CLPB: variants seen among roughly 807,000 people sequenced by gnomAD.
CLPB encodes the protein ClpB family mitochondrial disaggregase.
Under a neutral mutation model 78.4 loss-of-function variants are expected in CLPB, and 40 were observed. That is an observed-to-expected ratio of 0.51 (90% CI 0.40 to 0.66). CLPB has a LOEUF of 0.66. CLPB is among the 30% of genes least tolerant of loss of function. The probability of loss-of-function intolerance (pLI) is 0.00; values close to 1 mark genes in which losing one functional copy is unlikely to be tolerated. For synonymous variants in CLPB, 333 were observed against 348.0 expected, an observed-to-expected ratio of 0.96 and a Z score of 0.48; for missense variants, 780 against 886.9, an observed-to-expected ratio of 0.88 and a Z score of 1.53.
At chr11:72,377,015 A>G (rs1854724330) in intron 4 of CLPB, among the ~76,000 whole-genome samples, 2 of 152,218 alleles carry the variant, frequency 1.3e-5, no homozygotes, top group Admixed American at 1.3e-4. Flanking sequence ...GGGTACCAGT[A>G]TGGGTTCCCT....
At chr11:72,364,784 G>A (rs1209539711) in intron 4 of CLPB, among the ~76,000 whole-genome samples, 11 of 152,084 alleles carry the variant, frequency 7.2e-5, no homozygotes, top group Non-Finnish European at 1.3e-4. Flanking sequence ...AAGACCATGG[G>A]GGCTGGAGTC....
At chr11:72,431,495 T>A (rs1432880583) in intron 1 of CLPB, among the ~76,000 whole-genome samples, 1 of 152,206 alleles carries the variant, frequency 6.6e-6, no homozygotes, top group Non-Finnish European at 1.5e-5. Flanking sequence ...AGCCTTAGTT[T>A]CCTTATCTGT....
intron 3 of CLPB, among the ~76,000 whole-genome samples, chr11:72,400,480 AAAGCATAT>A (rs1294641624): frequency 6.6e-6 from 1 of 152,228 alleles, no homozygotes; most frequent in East Asian, 1.9e-4. Context: ...TGTGTCCCCA[AAAGCATAT>A]CTACTAGCCA....
At chr11:72,343,191 A>G (rs1178737949) in intron 5 of CLPB, among the ~76,000 whole-genome samples, 1 of 152,234 alleles carries the variant, frequency 6.6e-6, no homozygotes, top group African/African-American at 2.4e-5. Context: ...GCTCACTGGA[A>G]TGAGGTACAC....
rs1199421934 is a variant in CLPB, at chr11:72,293,619, T to C, written c.1786-4A>G. On this transcript the variant is annotated splice_polypyrimidine_tract_variant and splice_region_variant and intron_variant, in intron 15 of 15. Transcript: ENST00000538039. ...GGTTCACCACACGGCGTTCTACCTG[T>C]CGGTGGGGAGGTGAAGTGGTCACTC... The C allele has an allele frequency of 3.1e-6, 5 of 1,607,966 alleles. No homozygotes were observed. Among genetic ancestry groups the C allele is most frequent in the Non-Finnish European group, 3.4e-6 (4 of 1,175,404 alleles).
rs1454565839 is a variant in CLPB, at chr11:72,294,054, C to T, written c.1753G>A (p.Val585Met). ...VADVLVDGYNVHYGARSIKHE... is the reference protein window; with the variant it reads ...VADVLVDGYNMHYGARSIKHE... ...TTGATGGAGCGGGCGCCATAGTGCA[C>T]ATTGTAGCCGTCGACCAGCACATCT... The change falls in exon 15 of 16, where the codon GTG (valine) becomes ATG (methionine). Residue 585 changes from valine (V) to methionine (M), a missense_variant. By Grantham distance (21) the Val-to-Met change is conservative. This residue lies in a region of CLPB where 272 missense variants were observed against 304.0 expected (regional missense o/e 0.89). Transcript: ENST00000538039. 6.2e-7 allele frequency: 1 copy of T among 1,614,172 alleles called. No homozygotes were observed. Among genetic ancestry groups the T allele is most frequent in the Non-Finnish European group, 8.5e-7 (1 of 1,180,028 alleles).
intron 4 of CLPB, among the ~76,000 whole-genome samples, chr11:72,364,899 T>TAA (rs1950914006): frequency 6.6e-6 from 1 of 152,206 alleles, no homozygotes; most frequent in Non-Finnish European, 1.5e-5. Flanking sequence ...CAAGAGTCAA[T>TAA]GGCAAACCTA....
At chr11:72,430,271 C>A in intron 2 of CLPB, 41 bp downstream of exon 2, 2 of 1,589,624 alleles carry the variant, frequency 1.3e-6, no homozygotes, top group Non-Finnish European at 8.6e-7. Context: ...CCCTGCTCAG[C>A]CTCTCCTGTA....
intron 7 of CLPB, among the ~76,000 whole-genome samples, chr11:72,314,910 G>A (rs530251149): frequency 1.2e-4 from 18 of 152,276 alleles, no homozygotes; most frequent in African/African-American, 4.3e-4. Flanking sequence ...CCAGGTTAGG[G>A]CAGCAAGGAA....
Position 72,287,951 on chromosome 11 carries a change from T to G in CLPB, c.*5416A>C, listed in dbSNP as rs1949409799. 6.6e-6 allele frequency: 1 copy of G among 152,162 alleles called. No individual in the cohort carries two copies. Among genetic ancestry groups the G allele is most frequent in the Non-Finnish European group, 1.5e-5 (1 of 68,034 alleles). 9.4% of individuals were successfully genotyped at this position (152,162 alleles called of 1,614,324 possible). ...TGGTGCTTTCAAAGAATTTTTTAATTTATTCTTTTTCTTTTTCCTACCTTG... is the reference window on the plus strand; with the variant it reads ...TGGTGCTTTCAAAGAATTTTTTAATGTATTCTTTTTCTTTTTCCTACCTTG... On this transcript the variant is annotated 3_prime_UTR_variant, in exon 16 of 16. Transcript: ENST00000538039.
intron 6 of CLPB, among the ~76,000 whole-genome samples, chr11:72,322,673 C>T (rs968800663): frequency 3.3e-5 from 5 of 152,252 alleles, no homozygotes; most frequent in Admixed American, 6.5e-5. Context: ...ATATCAGAGA[C>T]GTGTGATGTT....
chr11:72,315,407 C>T (rs1195863595), intron 7 of CLPB, among the ~76,000 whole-genome samples: 1 of 152,188 alleles, frequency 6.6e-6, no homozygotes, highest in Non-Finnish European at 1.5e-5. Context: ...GGAAGGAGAG[C>T]CTCACTTTCA....
rs780677119 is a variant in CLPB at position 72,294,011 on chromosome 11, C to A, written c.1785+11G>T. ...GTGGAGGCGCCTCATTTCTCAGGCTCCTGTGCTCACCTCATGTTTGATGGA... is the reference window on the plus strand; with the variant it reads ...GTGGAGGCGCCTCATTTCTCAGGCTACTGTGCTCACCTCATGTTTGATGGA... On this transcript the variant is annotated intron_variant, in intron 15 of 15. Coordinates refer to ENST00000538039, the MANE Select transcript of CLPB (RefSeq NM_001258392.3). 20 of 1,611,894 alleles carry A rather than the reference C, an allele frequency of 1.2e-5. No homozygotes were observed. Among genetic ancestry groups the A allele is most frequent in the Non-Finnish European group, 1.7e-5 (20 of 1,178,726 alleles).
intron 2 of CLPB, among the ~76,000 whole-genome samples, chr11:72,407,693 C>G (rs1023228138): frequency 1.1e-4 from 17 of 151,006 alleles, no homozygotes; most frequent in African/African-American, 3.6e-4. Context: ...GTCGCCCAGG[C>G]TGGAGTGCAG....
chr11:72,318,817 G>A (rs1949995530), intron 6 of CLPB, among the ~76,000 whole-genome samples: 1 of 152,210 alleles, frequency 6.6e-6, no homozygotes, highest in Admixed American at 6.5e-5. Flanking sequence ...GGAATCCAGA[G>A]TGTCACTGTG....
At chr11:72,333,418 A>G (rs1950263393) in intron 5 of CLPB, among the ~76,000 whole-genome samples, 1 of 152,250 alleles carries the variant, frequency 6.6e-6, no homozygotes, top group Non-Finnish European at 1.5e-5. Context: ...GGCAGAGCCA[A>G]TGAATAGTTT....
chr11:72,355,204 T>C (rs1950688454), intron 5 of CLPB: 2 of 152,240 alleles, frequency 1.3e-5, no homozygotes, highest in South Asian at 2.1e-4. Flanking sequence ...TGTACAATGC[T>C]GTACAAGTTT....
At position 72,302,339 on chromosome 11, in the gene CLPB, T is replaced by C. The variant is rs144078282; in HGVS notation, c.1132A>G (p.Arg378Gly). ...TCCTGGAACTCGGACATGTCCAGCC[T>C]GATGAAGCCCTGTGTGGAAACAAGC... ...MHKDAKKGFIRLDMSEFQERH... is the reference protein window; with the variant it reads ...MHKDAKKGFIGLDMSEFQERH... The change falls in exon 10 of 16, where the codon AGG (arginine) becomes GGG (glycine). Residue 378 changes from arginine (R) to glycine (G), a missense_variant. By Grantham distance (125) the Arg-to-Gly change is moderately radical. Transcript: ENST00000538039. 2.0e-4 allele frequency: 319 copies of C among 1,614,004 alleles called. No individual in the cohort carries two copies. Among genetic ancestry groups the C allele is most frequent in the Non-Finnish European group, 2.5e-4 (293 of 1,179,990 alleles).
At position 72,294,390 on chromosome 11, in the gene CLPB, G is replaced by A. The variant is rs1165532710; in HGVS notation, c.1615C>T (p.Leu539Phe). 1.2e-6 allele frequency: 2 copies of A among 1,614,234 alleles called. No homozygotes were observed. The highest frequency in any genetic ancestry group is 2.2e-5 in the East Asian group (1 of 44,890). ...ATGAGCTCCGAGTGGCAGAAGGGGA[G>A]GAAGTAGACGATCTCATTGATCCGT... ...LGRINEIVYF[L>F]PFCHSELIQL... is the part of the protein sequence containing the mutation. The change falls in exon 14 of 16, where the codon CTC (leucine) becomes TTC (phenylalanine). Residue 539 changes from leucine (L) to phenylalanine (F), a missense_variant. Physicochemically the swap from Leu to Phe is conservative, Grantham distance 22. Around this residue, in one of 3 missense-constraint regions of CLPB, gnomAD observed 272 missense variants for 304.0 expected, o/e 0.89. Transcript: ENST00000538039.
Sources: allele counts gnomAD v4.1 joint callset (sites outside exome capture counted in the v4.1 genomes callset), GRCh38; gene constraint gnomAD v4.1.1; regional missense constraint gnomAD v4.1.1; transcripts MANE v1.5; gene names NCBI Gene and HGNC (gene_info 2026-07-23, HGNC 2026-07-21).